INO80D: variants seen among roughly 807,000 people sequenced by gnomAD.
INO80D encodes INO80 complex subunit D.
In INO80D, 21 loss-of-function variants were observed where a neutral mutation model predicts 87.6. That is an observed-to-expected ratio of 0.24 (90% CI 0.17 to 0.35). INO80D has a LOEUF of 0.35. Ranked by LOEUF, INO80D falls within the 10% of genes least tolerant of loss-of-function variation. The pLI is 1.00. For missense variants in INO80D, 982 were observed against 1,280.7 expected (o/e 0.77, Z 3.56); for synonymous variants, 440 against 491.0 (o/e 0.90, Z 1.37).
At chr2:206,022,706 G>A (rs1306837200) in intron 6 of INO80D, among the ~76,000 whole-genome samples, 1 of 152,116 alleles carries the variant, frequency 6.6e-6, no homozygotes, top group African/African-American at 2.4e-5. Context: ...TATTTAGCTT[G>A]TATACAAACT....
In INO80D at chr2:206,005,312, C is replaced by T. The variant is rs1559428135; in HGVS notation, c.2140G>A (p.Gly714Arg). 1 of 1,614,010 alleles carries T rather than the reference C, an allele frequency of 6.2e-7. No individual in the cohort carries two copies. The highest frequency in any genetic ancestry group is 8.5e-7 in the Non-Finnish European group (1 of 1,179,878). ...SLSREVNTDL[G>R]ELLNGRIVHD... Reference sequence around the variant, plus strand: ...ACTATACGCCCATTCAATAGCTCCCCTAGGTCTGTGTTCACCTCTCGGCTC... The same window carrying T: ...ACTATACGCCCATTCAATAGCTCCCTTAGGTCTGTGTTCACCTCTCGGCTC... Residue 714 changes from glycine to arginine, a missense_variant, in exon 11 of 11, where the codon GGG becomes AGG. Gly to Arg is a moderately radical substitution (Grantham distance 125, BLOSUM62 -2). Coordinates refer to ENST00000403263, the MANE Select transcript of INO80D (RefSeq NM_017759.5).
intron 5 of INO80D, among the ~76,000 whole-genome samples, chr2:206,035,860 C>T (rs1239634046): frequency 2.6e-5 from 4 of 152,070 alleles, no homozygotes; most frequent in East Asian, 1.9e-4. Context: ...GAATCCACAA[C>T]GAACCCAGAC....
intron 3 of INO80D, among the ~76,000 whole-genome samples, chr2:206,061,030 T>A (rs11691102): frequency 0.36 from 53,947 of 151,922 alleles, 10,503 homozygotes; most frequent in African/African-American, 0.53. Context: ...CCTTTTTTTT[T>A]AGATAGGGGG....
At chr2:206,021,922 T>A (rs546361940) in intron 6 of INO80D, among the ~76,000 whole-genome samples, 3 of 152,256 alleles carry the variant, frequency 2.0e-5, no homozygotes, top group East Asian at 1.9e-4. Context: ...CCTGAATGGA[T>A]AATTTTCATT....
chr2:206,067,595 A>C (rs921759068), intron 1 of INO80D, among the ~76,000 whole-genome samples: 1 of 145,028 alleles, frequency 6.9e-6, no homozygotes, highest in Non-Finnish European at 1.5e-5. Context: ...TTTTGTGTCC[A>C]TTAAAATTTT....
intron 8 of INO80D, among the ~76,000 whole-genome samples, chr2:206,015,006 CT>C (rs1196696762): frequency 6.6e-6 from 1 of 152,204 alleles, no homozygotes; most frequent in East Asian, 1.9e-4. Flanking sequence ...CATTTTGCCC[CT>C]GCCCTAAAGA....
chr2:206,077,587 G>T (rs991779638), intron 1 of INO80D, among the ~76,000 whole-genome samples: 3 of 152,160 alleles, frequency 2.0e-5, no homozygotes, highest in Non-Finnish European at 2.9e-5. Flanking sequence ...TCTGGGTACA[G>T]TATTTATTAG....
At chr2:206,083,821 G>GACACCGCACATAAACACA (rs1690350642) in intron 1 of INO80D, among the ~76,000 whole-genome samples, 1 of 132,438 alleles carries the variant, frequency 7.6e-6, no homozygotes, top group Non-Finnish European at 1.5e-5. Context: ...TACCAAGCAG[G>GACACCGCACATAAACACA]ACACCGCACA....
At chr2:206,053,501 G>A (rs569417005) in intron 4 of INO80D, among the ~76,000 whole-genome samples, 2 of 152,030 alleles carry the variant, frequency 1.3e-5, no homozygotes, top group South Asian at 4.2e-4. Flanking sequence ...TTTAACTTTT[G>A]TATTTTAATC....
intron 4 of INO80D, among the ~76,000 whole-genome samples, chr2:206,050,563 T>C (rs1290896866): frequency 6.9e-6 from 1 of 144,856 alleles, no homozygotes; most frequent in Non-Finnish European, 1.5e-5. Context: ...TAATATTTCA[T>C]CATTTCAAAA....
intron 8 of INO80D, among the ~76,000 whole-genome samples, chr2:206,010,264 CTT>C (rs773670082): frequency 7.8e-5 from 11 of 140,876 alleles, no homozygotes; most frequent in East Asian, 2.1e-4. Context: ...GACCACAATT[CTT>C]TTTTTTTTTT....
chr2:206,047,841 T>C (rs1689238647), intron 4 of INO80D, among the ~76,000 whole-genome samples: 1 of 132,702 alleles, frequency 7.5e-6, no homozygotes, highest in Non-Finnish European at 1.7e-5. Flanking sequence ...CTAATGAGGT[T>C]TCGGATTTCT....
In INO80D at chr2:206,003,783, C is replaced by T. The variant is rs1256615540; in HGVS notation, c.*585G>A. 1 of 157,494 alleles carries T rather than the reference C, an allele frequency of 6.3e-6. No individual in the cohort carries two copies. The highest frequency in any genetic ancestry group is 1.4e-5 in the Non-Finnish European group (1 of 70,900). 9.8% of individuals were successfully genotyped at this position (157,494 alleles called of 1,614,324 possible). Reference sequence around the variant, plus strand: ...CTGCTTCCTGCACTGCACAAAAACACACGCGTGGGCACACGCATACTCACA... The same window carrying T: ...CTGCTTCCTGCACTGCACAAAAACATACGCGTGGGCACACGCATACTCACA... On this transcript the variant is annotated 3_prime_UTR_variant, in exon 11 of 11. Coordinates refer to ENST00000403263, the MANE Select transcript of INO80D (RefSeq NM_017759.5).
At chr2:206,019,591 T>C in intron 7 of INO80D, 145 bp downstream of exon 7, 1 of 612,268 alleles carries the variant, frequency 1.6e-6, no homozygotes, top group Non-Finnish European at 2.7e-6. Context: ...TCAGAGGACA[T>C]CATGAAAATT....
At chr2:206,075,283 A>G (rs1186555755) in intron 1 of INO80D, among the ~76,000 whole-genome samples, 1 of 151,950 alleles carries the variant, frequency 6.6e-6, no homozygotes, top group African/African-American at 2.4e-5. Context: ...CCACTTGATC[A>G]CCTCCATGTG....
chr2:206,020,001 C>T (rs552882670), intron 6 of INO80D, among the ~76,000 whole-genome samples, 156 bp from the exon 7 acceptor site: 10 of 152,044 alleles, frequency 6.6e-5, no homozygotes, highest in East Asian at 5.8e-4. Flanking sequence ...TAAAGAAAGA[C>T]GGTATTACAA....
intron 5 of INO80D, among the ~76,000 whole-genome samples, chr2:206,039,867 T>C (rs1688997122): frequency 6.6e-6 from 1 of 151,274 alleles, no homozygotes. Flanking sequence ...GGAATGTTAT[T>C]TTTAAAAACT....
intron 5 of INO80D, among the ~76,000 whole-genome samples, chr2:206,043,502 T>C (rs1689109476): frequency 6.6e-6 from 1 of 151,256 alleles, no homozygotes; most frequent in Admixed American, 6.6e-5. Flanking sequence ...TTTTCCTTTT[T>C]TTTGAGATGG....
rs1346896754 is a variant in INO80D, at chr2:205,998,044, G to A, written c.*6324C>T. On this transcript the variant is annotated 3_prime_UTR_variant, in exon 11 of 11. Coordinates refer to ENST00000403263, the MANE Select transcript of INO80D (RefSeq NM_017759.5). ...TAGTGAGGAGGGATAAAAAGTTCCT[G>A]AATAAGACACTGAGAACATCTAGAT... The A allele has an allele frequency of 6.6e-6, 1 of 152,064 alleles. No individual in the cohort carries two copies. The highest frequency in any genetic ancestry group is 2.4e-5 in the African/African-American group (1 of 41,400). 9.4% of individuals were successfully genotyped at this position (152,064 alleles called of 1,614,324 possible). A position where few individuals can be genotyped will look rare whatever the true frequency, so the allele number is the denominator to read the frequency against.
Sources: gnomAD v4.1 joint callset for allele counts (sites outside exome capture counted in the v4.1 genomes callset) on GRCh38, gnomAD v4.1.1 for gene constraint, MANE v1.5 for transcripts, NCBI Gene and HGNC (gene_info 2026-07-23, HGNC 2026-07-21) for gene names.